Variants in NARS2 observed in about 807,000 individuals in gnomAD.
The protein encoded by NARS2 is asparaginyl-tRNA synthetase.
NARS2 carries 60 observed loss-of-function variants against 62.9 expected under a neutral mutation model. That is an observed-to-expected ratio of 0.95 (90% CI 0.77 to 1.18). The LOEUF (loss-of-function observed/expected upper bound fraction) is 1.18, where lower values mean the gene tolerates loss of function less well. Among genes scored for constraint, NARS2 ranks in the 50% most tolerant of loss-of-function variants. NARS2 has a pLI of 0.00. For missense variants in NARS2, 619 were observed against 576.4 expected (o/e 1.07, Z -0.76); for synonymous variants, 196 against 200.0 (o/e 0.98, Z 0.17).
At chr11:78,562,809 T>G (rs550363950) in intron 4 of NARS2, among the ~76,000 whole-genome samples, 1 of 152,368 alleles carries the variant, frequency 6.6e-6, no homozygotes, top group South Asian at 2.1e-4. Flanking sequence ...GAAATAACCT[T>G]AGATCCTTAA....
intron 9 of NARS2, among the ~76,000 whole-genome samples, chr11:78,470,882 A>ATTTTTTTTT (rs67863152): frequency 2.2e-5 from 3 of 135,162 alleles, no homozygotes; most frequent in African/African-American, 2.8e-5. Flanking sequence ...AGTATTTTGG[A>ATTTTTTTTT]TTTTTTTTTT....
intron 2 of NARS2, among the ~76,000 whole-genome samples, chr11:78,569,796 C>T (rs1238153306): frequency 1.3e-5 from 2 of 152,138 alleles, no homozygotes; most frequent in Non-Finnish European, 2.9e-5. Flanking sequence ...CTCAAAGAGA[C>T]AGTCATCCTA....
At chr11:78,504,304 CA>C (rs1860399659) in intron 6 of NARS2, among the ~76,000 whole-genome samples, 1 of 152,298 alleles carries the variant, frequency 6.6e-6, no homozygotes, top group African/African-American at 2.4e-5. Flanking sequence ...TCCTAATTCA[CA>C]TGCTAAATCC....
chr11:78,541,224 T>C (rs1565269837), intron 5 of NARS2, among the ~76,000 whole-genome samples: 1 of 152,194 alleles, frequency 6.6e-6, no homozygotes, highest in Non-Finnish European at 1.5e-5. Context: ...AAATGTTAAA[T>C]GTCAAATGTT....
chr11:78,492,823 T>A (rs1859883384), intron 7 of NARS2, among the ~76,000 whole-genome samples: 2 of 152,152 alleles, frequency 1.3e-5, no homozygotes, highest in African/African-American at 2.4e-5. Flanking sequence ...AACCTAAAGA[T>A]CATGAAAGTC....
chr11:78,519,316 G>A (rs1405504660), intron 6 of NARS2, among the ~76,000 whole-genome samples: 1 of 152,070 alleles, frequency 6.6e-6, no homozygotes, highest in African/African-American at 2.4e-5. Flanking sequence ...TAACCAAACA[G>A]GAATGAAATC....
chr11:78,464,247 G>C (rs1169910924), intron 11 of NARS2, among the ~76,000 whole-genome samples: 1 of 152,044 alleles, frequency 6.6e-6, no homozygotes, highest in African/African-American at 2.4e-5. Flanking sequence ...GCAGATCTTC[G>C]CGGTGAGTGT....
At chr11:78,573,937 T>C (rs1234071306) in intron 1 of NARS2, among the ~76,000 whole-genome samples, 2 of 152,222 alleles carry the variant, frequency 1.3e-5, no homozygotes, top group East Asian at 1.9e-4. Flanking sequence ...TTAAAAGGCA[T>C]GGTTTGAACA....
rs1396467073 is a variant in NARS2, at chr11:78,566,168, G to A, written c.477C>T (p.Arg159=). 3 of 1,611,850 alleles carry A rather than the reference G, an allele frequency of 1.9e-6. No individual in the cohort carries two copies. The highest frequency in any genetic ancestry group is 1.7e-6 in the Non-Finnish European group (2 of 1,178,834). ...TNVLGSILRI[R]SEATAAIHSF... ...AATGAATAGCAGCTGTCGCTTCACT[G>A]CGAATCCTCAATATAGAACCCAGAA... Residue 159 remains arginine (R), a synonymous_variant, in exon 4 of 14, where the codon CGC becomes CGT. Transcript: ENST00000281038.
intron 11 of NARS2, among the ~76,000 whole-genome samples, chr11:78,458,684 C>T (rs1324071872): frequency 6.6e-6 from 1 of 152,200 alleles, no homozygotes; most frequent in Non-Finnish European, 1.5e-5. Flanking sequence ...TTCATCCATC[C>T]ACCACACGGA....
In NARS2 at chr11:78,568,744, T is replaced by G. The variant is rs10501429; in HGVS notation, c.260A>C (p.Asn87Thr). The G allele has an allele frequency of 0.78, 1,243,497 of 1,602,524 alleles. 485,488 individuals are homozygous for G. Among genetic ancestry groups the G allele is most frequent in the Non-Finnish European group, 0.8 (939,778 of 1,171,838 alleles). Residue 87 changes from asparagine (N) to threonine (T), a missense_variant, in exon 3 of 14, where the codon AAT becomes ACT. Coordinates refer to ENST00000281038, the MANE Select transcript of NARS2 (RefSeq NM_024678.6). ...TTGTACTTCCACAGAACTCCCAAAA[T>G]TTAATTCTCTATAGTAACAAAAAAC... ...ADSGLDSREL[N>T]FGSSVEVQGQ...
intron 11 of NARS2, among the ~76,000 whole-genome samples, chr11:78,464,941 C>A (rs7941159): frequency 3.9e-5 from 6 of 152,156 alleles, no homozygotes; most frequent in Admixed American, 3.9e-4. Context: ...TGCAGGTGGA[C>A]CTGCCTGCCA....
chr11:78,563,789 C>G (rs1418581096), intron 4 of NARS2, among the ~76,000 whole-genome samples: 14 of 123,702 alleles, frequency 1.1e-4, no homozygotes, highest in African/African-American at 4.4e-4. Context: ...CAAGATCATG[C>G]CACTGCACTC....
intron 1 of NARS2, chr11:78,571,746 G>T: frequency 4.3e-6 from 1 of 234,102 alleles, no homozygotes; most frequent in South Asian, 8.0e-5. Context: ...GGCAATTCCA[G>T]GTATTTCCTC....
At chr11:78,441,979 T>C (rs1335636197) in intron 12 of NARS2, among the ~76,000 whole-genome samples, 2 of 152,196 alleles carry the variant, frequency 1.3e-5, no homozygotes. Flanking sequence ...TGACCAGGAA[T>C]ATGAAAAATT....
chr11:78,547,397 G>GA (rs371740417), intron 5 of NARS2, among the ~76,000 whole-genome samples: 234 of 150,386 alleles, frequency 1.6e-3, no homozygotes, highest in African/African-American at 5.5e-3. Context: ...CATGTAACAG[G>GA]AAAAAAAAAT....
chr11:78,475,179 T>C (rs1409563499), intron 9 of NARS2, among the ~76,000 whole-genome samples: 1 of 152,196 alleles, frequency 6.6e-6, no homozygotes, highest in Non-Finnish European at 1.5e-5. Context: ...AGTATTTGTC[T>C]TTCTGTGCCT....
chr11:78,566,517 A>G (rs1856751468), intron 3 of NARS2, among the ~76,000 whole-genome samples: 1 of 152,240 alleles, frequency 6.6e-6, no homozygotes, highest in Admixed American at 6.5e-5. Context: ...CTGAGCTAAT[A>G]TCACTGAAGC....
chr11:78,483,768 C>T (rs1859455938), intron 7 of NARS2, among the ~76,000 whole-genome samples: 1 of 152,146 alleles, frequency 6.6e-6, no homozygotes, highest in African/African-American at 2.4e-5. Context: ...AAAAAAATTC[C>T]ATGCTCATGG....
Sources: allele counts gnomAD v4.1 joint callset (sites outside exome capture counted in the v4.1 genomes callset), GRCh38; gene constraint gnomAD v4.1.1; transcripts MANE v1.5; gene names NCBI Gene and HGNC (gene_info 2026-07-23, HGNC 2026-07-21).